The following DIS3L2 variants were observed in gnomAD, a reference collection of about 807,000 sequenced individuals.
DIS3L2 encodes DIS3-like exonuclease 2.
In DIS3L2, 34 loss-of-function variants were observed where a neutral mutation model predicts 97.5. That is an observed-to-expected ratio of 0.35 (90% CI 0.27 to 0.46). The LOEUF (loss-of-function observed/expected upper bound fraction) is 0.46. DIS3L2 is among the 20% of genes least tolerant of loss of function. The pLI is 1.00. For missense variants in DIS3L2, 1,038 were observed against 1,146.0 expected (o/e 0.91, Z 1.36); for synonymous variants, 435 against 445.2 (o/e 0.98, Z 0.29).
intron 13 of DIS3L2, among the ~76,000 whole-genome samples, chr2:232,342,421 G>A (rs576243124): frequency 6.6e-6 from 1 of 152,264 alleles, no homozygotes; most frequent in African/African-American, 2.4e-5. Flanking sequence ...ATGGGAAAAT[G>A]CAAGGAGGGA....
intron 6 of DIS3L2, among the ~76,000 whole-genome samples, chr2:232,101,945 A>G (rs959505686): frequency 6.6e-6 from 1 of 152,252 alleles, no homozygotes; most frequent in African/African-American, 2.4e-5. Context: ...ACATGGACTC[A>G]AAGTATCATG....
chr2:232,247,903 G>C (rs1170322253), intron 11 of DIS3L2, among the ~76,000 whole-genome samples: 1 of 152,142 alleles, frequency 6.6e-6, no homozygotes. Context: ...GTAATGGCAA[G>C]AAAAAAATTT....
At chr2:232,134,344 T>G (rs866752261) in intron 7 of DIS3L2, among the ~76,000 whole-genome samples, 3 of 152,188 alleles carry the variant, frequency 2.0e-5, no homozygotes, top group Non-Finnish European at 4.4e-5. Context: ...TGTATAACAA[T>G]GTATAATGCT....
intron 9 of DIS3L2, among the ~76,000 whole-genome samples, chr2:232,179,783 T>G (rs545421740): frequency 2.9e-5 from 3 of 102,232 alleles, no homozygotes; most frequent in African/African-American, 6.0e-5. Context: ...ATTGATTTTT[T>G]GAAGGGTTTT....
rs188077550 is a variant in DIS3L2 at position 232,083,382 on chromosome 2, A to G, written c.367-4105A>G. ...TAACAAAGTCAGAATTCTGGTACCTATGATATTTCTCCGTGGTTGGTGGGA... is the reference window on the plus strand; with the variant it reads ...TAACAAAGTCAGAATTCTGGTACCTGTGATATTTCTCCGTGGTTGGTGGGA... On this transcript the variant is annotated intron_variant, in intron 5 of 20. Transcript: ENST00000325385. Among the ~76,000 whole-genome samples the G allele has an allele frequency of 1.6e-3, 248 of 151,292 alleles. 2 individuals carry two copies. The highest frequency in any genetic ancestry group is 5.6e-3 in the African/African-American group (230 of 41,290).
downstream of DIS3L2, among the ~76,000 whole-genome samples, chr2:232,342,186 T>TACATATATACACATACATATATAC (rs1338142975): frequency 2.0e-5 from 3 of 148,586 alleles, no homozygotes; most frequent in Non-Finnish European, 2.9e-5. Context: ...TATACACGTA[T>TACATATATACACATACATATATAC]ACATATATAC....
intron 14 of DIS3L2, among the ~76,000 whole-genome samples, chr2:232,319,461 C>T (rs1303109380): frequency 6.6e-6 from 1 of 152,250 alleles, no homozygotes; most frequent in Non-Finnish European, 1.5e-5. Context: ...AGCACAGTTA[C>T]TCTCCATCTT....
chr2:231,970,246 C>G (rs544612757), intron 1 of DIS3L2, among the ~76,000 whole-genome samples: 16 of 152,296 alleles, frequency 1.1e-4, no homozygotes, highest in African/African-American at 3.1e-4. Context: ...CTGCACCCAG[C>G]CACTTTTCAT....
chr2:232,058,055 A>G (rs1195174573), intron 5 of DIS3L2, among the ~76,000 whole-genome samples: 1 of 152,154 alleles, frequency 6.6e-6, no homozygotes, highest in Non-Finnish European at 1.5e-5. Flanking sequence ...TGTAATTGCA[A>G]TGGTTAGTTT....
intron 9 of DIS3L2, among the ~76,000 whole-genome samples, chr2:232,175,100 AT>A (rs1691115677): frequency 6.6e-6 from 1 of 152,114 alleles, no homozygotes; most frequent in Non-Finnish European, 1.5e-5. Context: ...AAGTGCTGGG[AT>A]TACAGATATG....
chr2:232,112,103 G>T (rs1224029219), intron 6 of DIS3L2, among the ~76,000 whole-genome samples: 6 of 152,152 alleles, frequency 3.9e-5, no homozygotes, highest in Admixed American at 6.5e-5. Flanking sequence ...TTTTATATAA[G>T]GCTTTTGAGT....
chr2:232,327,431 G>T (rs1049495377), intron 14 of DIS3L2, among the ~76,000 whole-genome samples: 1 of 152,242 alleles, frequency 6.6e-6, no homozygotes, highest in Non-Finnish European at 1.5e-5. Flanking sequence ...CGACTGCATG[G>T]GGAGAAAAGT....
At chr2:232,129,994 T>C (rs1342204042) in intron 6 of DIS3L2, among the ~76,000 whole-genome samples, 6 of 152,230 alleles carry the variant, frequency 3.9e-5, no homozygotes, top group Admixed American at 3.9e-4. Context: ...TCAGGAGATG[T>C]GGTTTCAGTT....
chr2:232,306,223 CG>C (rs1022893510), intron 14 of DIS3L2, among the ~76,000 whole-genome samples: 2 of 152,198 alleles, frequency 1.3e-5, no homozygotes, highest in African/African-American at 4.8e-5. Flanking sequence ...GTGCCACATA[CG>C]GCCATTCCTC....
chr2:232,131,163 CA>C (rs1381687924), intron 7 of DIS3L2: 4 of 154,114 alleles, frequency 2.6e-5, no homozygotes, highest in African/African-American at 9.6e-5. Context: ...TTAGTTTTTC[CA>C]AAGTATTCAA....
chr2:232,215,744 G>A lies in DIS3L2; in HGVS notation c.1204+5339G>A, dbSNP rs551699193. Among the ~76,000 whole-genome samples, 4 of 152,310 alleles carry A rather than the reference G, an allele frequency of 2.6e-5. No homozygotes were observed. In the East Asian group the frequency reaches 5.8e-4, roughly 22 times the overall value. ...GAGCCAGAAATTCTTGTGTCCCCCT[G>A]TGTGCCAGGCTTTGGCTAGAAAACC... On this transcript the variant is annotated intron_variant, in intron 10 of 20. Transcript: ENST00000325385.
At chr2:232,164,512 A>C (rs115704761) in intron 9 of DIS3L2, among the ~76,000 whole-genome samples, 1 of 152,154 alleles carries the variant, frequency 6.6e-6, no homozygotes, top group African/African-American at 2.4e-5. Context: ...CTTTTCCACC[A>C]CACTTGCTCG....
rs144871511 is a variant in DIS3L2, at chr2:232,295,626, C to G, written c.1660-4414C>G. On this transcript the variant is annotated intron_variant, in intron 13 of 20. Transcript: ENST00000325385. The stretch of plus-strand genomic sequence containing the variant: ...CACCTTCAGTACACTCTCACATCCT[C>G]TCATCCTTTCCCATTCCATTTCATG... 8.3e-4 allele frequency among the ~76,000 whole-genome samples: 126 copies of G among 152,350 alleles called. 1 individual carries two copies. Among genetic ancestry groups the G allele is most frequent in the Non-Finnish European group, 1.6e-3 (110 of 68,034 alleles).
chr2:232,007,577 G>A (rs1487093400), intron 1 of DIS3L2, among the ~76,000 whole-genome samples: 1 of 152,082 alleles, frequency 6.6e-6, no homozygotes, highest in African/African-American at 2.4e-5. Context: ...GGCCTCAAGT[G>A]ATCCACCCAC....
Sources: gnomAD v4.1 joint callset for allele counts (sites outside exome capture counted in the v4.1 genomes callset) on GRCh38, gnomAD v4.1.1 for gene constraint, MANE v1.5 for transcripts, NCBI Gene and HGNC (gene_info 2026-07-23, HGNC 2026-07-21) for gene names.